Variants in ZMYM4 observed in about 807,000 individuals in gnomAD.
ZMYM4 encodes the protein zinc finger MYM-type protein 4.
Under a neutral mutation model 183.2 loss-of-function variants are expected in ZMYM4, and 31 were observed. The observed-to-expected ratio is 0.17, with a 90% CI of 0.13 to 0.23. ZMYM4 has a LOEUF of 0.23. ZMYM4 is among the 10% of genes least tolerant of loss of function. The pLI is 1.00. For missense variants in ZMYM4, 1,273 were observed against 1,840.3 expected (o/e 0.69, Z 5.64); for synonymous variants, 592 against 631.2 (o/e 0.94, Z 0.93).
chr1:35,291,438 A>G (rs1434306273), intron 1 of ZMYM4, among the ~76,000 whole-genome samples: 2 of 152,036 alleles, frequency 1.3e-5, no homozygotes, highest in Non-Finnish European at 2.9e-5. Flanking sequence ...AGTCTACTTT[A>G]TCAATTTTTT....
intron 7 of ZMYM4, among the ~76,000 whole-genome samples, chr1:35,372,420 A>T (rs1466247446): frequency 6.6e-6 from 1 of 152,170 alleles, no homozygotes; most frequent in African/African-American, 2.4e-5. Flanking sequence ...AGGATACAAA[A>T]TTTTTTAGTT....
At chr1:35,301,033 G>A (rs576048337) in intron 1 of ZMYM4, among the ~76,000 whole-genome samples, 1 of 152,152 alleles carries the variant, frequency 6.6e-6, no homozygotes, top group African/African-American at 2.4e-5. Context: ...TTTGTTCTGG[G>A]ATACAGTAAA....
At chr1:35,269,133 C>G (rs914155137) in intron 1 of ZMYM4, 48 bp downstream of exon 1, 6 of 1,541,894 alleles carry the variant, frequency 3.9e-6, no homozygotes, top group Non-Finnish European at 5.2e-6. Context: ...GGGGCGCGGC[C>G]CGGGGCCGGG....
chr1:35,416,214 A>G (rs879522714), intron 28 of ZMYM4, among the ~76,000 whole-genome samples: 1 of 151,984 alleles, frequency 6.6e-6, no homozygotes. Flanking sequence ...CAATTTTATT[A>G]GAAGGTTTAT....
intron 1 of ZMYM4, among the ~76,000 whole-genome samples, chr1:35,280,151 TCTTC>T (rs1007564715): frequency 1.1e-4 from 17 of 151,396 alleles, no homozygotes; most frequent in African/African-American, 4.1e-4. Context: ...TCTCTTTCTT[TCTTC>T]CTTCCTCCCT....
intron 22 of ZMYM4, 137 bp downstream of exon 22, chr1:35,399,180 C>G: frequency 1.1e-6 from 1 of 931,906 alleles, no homozygotes; most frequent in South Asian, 1.8e-5. Context: ...ATCTAGAGCA[C>G]AAATAGACCC....
chr1:35,378,149 C>G (rs1644374527), intron 7 of ZMYM4, among the ~76,000 whole-genome samples: 1 of 152,184 alleles, frequency 6.6e-6, no homozygotes, highest in Non-Finnish European at 1.5e-5. Context: ...CATCTTCAGG[C>G]TCCACTTCTA....
At chr1:35,417,472 C>T (rs1640165178) in intron 28 of ZMYM4, among the ~76,000 whole-genome samples, 2 of 152,140 alleles carry the variant, frequency 1.3e-5, no homozygotes, top group South Asian at 4.1e-4. Context: ...TGCCATTTCT[C>T]ACAATATTCG....
chr1:35,389,841 A>T lies in ZMYM4; in HGVS notation c.2437-107A>T. On this transcript the variant is annotated intron_variant, in intron 14 of 29. Coordinates refer to ENST00000314607, the MANE Select transcript of ZMYM4 (RefSeq NM_005095.3). This position sits in a 1 kb window ranked among gnomAD's most constrained non-coding sequence, Gnocchi z 4.0. The stretch of plus-strand genomic sequence containing the variant: ...TTGATAAAGACAAACTAATTTTTTG[A>T]TCTAAATTCTAAGTTAATTTCGTCA... 9.0e-7 allele frequency: 1 copy of T among 1,107,472 alleles called. No homozygotes were observed. The highest frequency in any genetic ancestry group is 1.3e-6 in the Non-Finnish European group (1 of 787,186). 68.6% of individuals were successfully genotyped at this position (1,107,472 alleles called of 1,614,324 possible).
intron 2 of ZMYM4, among the ~76,000 whole-genome samples, chr1:35,336,236 G>A (rs542565361): frequency 1.3e-5 from 2 of 152,148 alleles, no homozygotes; most frequent in South Asian, 4.1e-4. Flanking sequence ...CTTGTACCAT[G>A]TTGAACATTC....
At position 35,269,090 on chromosome 1, in the gene ZMYM4, G is replaced by C. The variant is rs1223930173; in HGVS notation, c.39+5G>C. 1 of 1,549,178 alleles carries C rather than the reference G, an allele frequency of 6.5e-7. No individual in the cohort carries two copies. The highest frequency in any genetic ancestry group is 1.2e-5 in the South Asian group (1 of 83,930). ...GAGTCCGGCCCCCGAAAGAGGGTAG[G>C]TGAGGTGAGGCAGAACTCGGGCGGC... On this transcript the variant is annotated splice_donor_5th_base_variant and intron_variant, in intron 1 of 29. Coordinates refer to ENST00000314607, the MANE Select transcript of ZMYM4 (RefSeq NM_005095.3).
At chr1:35,404,778 A>G (rs549337348) in intron 23 of ZMYM4, 112 of 317,132 alleles carry the variant, frequency 3.5e-4, no homozygotes, top group African/African-American at 2.1e-3. Flanking sequence ...CATAGTAAAT[A>G]CCCAAATGTT....
At chr1:35,300,006 A>C (rs547364739) in intron 1 of ZMYM4, among the ~76,000 whole-genome samples, 5 of 152,130 alleles carry the variant, frequency 3.3e-5, no homozygotes, top group African/African-American at 1.2e-4. Flanking sequence ...AGTGTTCGCC[A>C]GGATGGTCTC....
rs1361087130 is a variant in ZMYM4, at chr1:35,370,472, T to C, written c.1026T>C (p.Ser342=). The C allele has an allele frequency of 6.2e-7, 1 of 1,613,124 alleles. No homozygotes were observed. Among genetic ancestry groups the C allele is most frequent in the Non-Finnish European group, 8.5e-7 (1 of 1,179,818 alleles). ...CCACAGCTGTTCGAGTTTCCTGTTC[T>C]GGTTGTAAAAAAATCCTCCAGAAGG... is the stretch of plus-strand genomic sequence containing the variant. ...VPATAVRVSC[S]GCKKILQKGQ... The change falls in exon 7 of 30, where the codon TCT becomes TCC. Residue 342 remains serine (S), a synonymous_variant. Coordinates refer to ENST00000314607, the MANE Select transcript of ZMYM4 (RefSeq NM_005095.3).
intron 29 of ZMYM4, 108 bp from the exon 30 acceptor site, chr1:35,419,362 T>C (rs1375623804): frequency 7.3e-6 from 9 of 1,224,704 alleles, no homozygotes; most frequent in Non-Finnish European, 1.0e-5. Flanking sequence ...TTACTTTTAA[T>C]TACTTTTAAT....
At chr1:35,272,795 G>A (rs1177985108) in intron 1 of ZMYM4, among the ~76,000 whole-genome samples, 2 of 152,102 alleles carry the variant, frequency 1.3e-5, no homozygotes, top group African/African-American at 2.4e-5. Context: ...TGCAAGCTCC[G>A]CCTCCCGGGT....
intron 5 of ZMYM4, among the ~76,000 whole-genome samples, chr1:35,365,649 C>T (rs775255879): frequency 1.3e-5 from 2 of 152,212 alleles, no homozygotes; most frequent in South Asian, 2.1e-4. Flanking sequence ...AAAATACTTT[C>T]ATGGGATATT....
intron 25 of ZMYM4, among the ~76,000 whole-genome samples, chr1:35,406,713 A>G (rs1645008577): frequency 6.6e-6 from 1 of 152,182 alleles, no homozygotes; most frequent in African/African-American, 2.4e-5. Context: ...ACTAGGGTGA[A>G]AAAGTCAAAC....
chr1:35,388,889 T>C (rs1644640575), intron 13 of ZMYM4, 21 bp from the exon 14 acceptor site: 1 of 1,611,838 alleles, frequency 6.2e-7, no homozygotes. Context: ...TAATGTTAAT[T>C]TTATCTTTCC....
Sources: allele counts gnomAD v4.1 joint callset (sites outside exome capture counted in the v4.1 genomes callset), GRCh38; gene constraint gnomAD v4.1.1; non-coding constraint Gnocchi (gnomAD v3.1); transcripts MANE v1.5; gene names NCBI Gene and HGNC (gene_info 2026-07-23, HGNC 2026-07-21).